The following FRMD3 variants were observed in gnomAD, a reference collection of about 807,000 sequenced individuals.
FRMD3 encodes FERM domain containing 3, also known as FERM domain-containing protein 3.
A neutral mutation model predicts 70.2 loss-of-function variants in FRMD3; 33 were observed. The ratio of observed to expected loss-of-function variants is 0.47; its 90% CI spans 0.36 to 0.63. FRMD3 has a LOEUF of 0.63. Ranked by LOEUF, FRMD3 falls within the 20% of genes least tolerant of loss-of-function variation. The pLI, the probability that FRMD3 is intolerant of heterozygous loss-of-function variation, is 0.00. For missense variants in FRMD3, 632 were observed against 711.4 expected (o/e 0.89, Z 1.27); for synonymous variants, 279 against 255.9 (o/e 1.09, Z -0.86).
intron 1 of FRMD3, among the ~76,000 whole-genome samples, chr9:83,479,706 A>AAGAAAGAGAAAGAAAG (rs1554710649): frequency 1.2e-5 from 1 of 81,604 alleles, no homozygotes; most frequent in Non-Finnish European, 2.4e-5. Context: ...GAAAGAAAGA[A>AAGAAAGAGAAAGAAAG]AGAAAGAAAG....
intron 6 of FRMD3, among the ~76,000 whole-genome samples, chr9:83,314,135 G>GA (rs1835470732): frequency 1.3e-5 from 2 of 152,082 alleles, no homozygotes; most frequent in South Asian, 2.1e-4. Flanking sequence ...CTTGCTCAGG[G>GA]AAAAAAATGC....
chr9:83,339,378 A>G (rs745668534), intron 5 of FRMD3, among the ~76,000 whole-genome samples: 3 of 152,196 alleles, frequency 2.0e-5, no homozygotes, highest in Non-Finnish European at 2.9e-5. Context: ...CCTCCTGCTC[A>G]TGACTTGGAA....
intron 3 of FRMD3, among the ~76,000 whole-genome samples, chr9:83,358,221 T>C (rs547533509): frequency 1.3e-4 from 20 of 152,336 alleles, no homozygotes; most frequent in Non-Finnish European, 2.5e-4. Context: ...TTTTGTTTGC[T>C]TTGTTGATCA....
intron 6 of FRMD3, among the ~76,000 whole-genome samples, chr9:83,327,484 T>A (rs1836065842): frequency 6.6e-6 from 1 of 152,174 alleles, no homozygotes; most frequent in African/African-American, 2.4e-5. Context: ...CCTGGCTCTC[T>A]GGACTTTAGA....
intron 1 of FRMD3, among the ~76,000 whole-genome samples, chr9:83,517,575 G>A (rs1028192846): frequency 2.1e-4 from 31 of 149,870 alleles, no homozygotes; most frequent in Non-Finnish European, 3.7e-4. Context: ...AAAAGCACCC[G>A]GTACCATTCC....
chr9:83,353,682 C>G (rs1824239075), intron 3 of FRMD3, among the ~76,000 whole-genome samples: 1 of 152,206 alleles, frequency 6.6e-6, no homozygotes, highest in Non-Finnish European at 1.5e-5. Context: ...AGTTTGTCAT[C>G]TGGATCACTA....
intron 13 of FRMD3, among the ~76,000 whole-genome samples, chr9:83,274,433 T>A (rs529480211): frequency 6.6e-6 from 1 of 152,288 alleles, no homozygotes; most frequent in African/African-American, 2.4e-5. Context: ...GAGAAAACTA[T>A]TAATGCCATG....
At chr9:83,445,403 G>A (rs1827431636) in intron 1 of FRMD3, among the ~76,000 whole-genome samples, 1 of 150,534 alleles carries the variant, frequency 6.6e-6, no homozygotes, top group Non-Finnish European at 1.5e-5. Flanking sequence ...AGATACTGCT[G>A]GCTGACAGCA....
chr9:83,427,829 G>A (rs1826854744), intron 1 of FRMD3, among the ~76,000 whole-genome samples: 1 of 152,126 alleles, frequency 6.6e-6, no homozygotes, highest in Admixed American at 6.5e-5. Flanking sequence ...TCAGTAATTG[G>A]GAAAACAATA....
At chr9:83,262,262 A>ATGT in intron 13 of FRMD3, among the ~76,000 whole-genome samples, 1 of 152,174 alleles carries the variant, frequency 6.6e-6, no homozygotes, top group African/African-American at 2.4e-5. Flanking sequence ...CTTTACCTCC[A>ATGT]ATAACACACA....
rs1432278402 is a variant in FRMD3 at position 83,537,726 on chromosome 9, CT to C, written c.147+358del. Among the ~76,000 whole-genome samples the C allele has an allele frequency of 6.6e-6, 1 of 152,220 alleles. No homozygotes were observed. Among genetic ancestry groups the C allele is most frequent in the Admixed American group, 6.5e-5 (1 of 15,292 alleles). ...ACCAGTGGGCGACATGCAGGTGCCC[CT>C]CTCAGCCCTCGGAGCTCCCATCTCC... On this transcript the variant is annotated intron_variant, in intron 1 of 13. Coordinates refer to ENST00000304195, the MANE Select transcript of FRMD3 (RefSeq NM_174938.6). This position sits in a 1 kb window ranked among gnomAD's most constrained non-coding sequence, Gnocchi z 4.1.
chr9:83,542,715 A>T (rs1033094962), upstream of FRMD3, among the ~76,000 whole-genome samples: 2 of 152,230 alleles, frequency 1.3e-5, no homozygotes, highest in African/African-American at 4.8e-5. Context: ...ATAAAACCAA[A>T]GTGATCAAGG....
chr9:83,410,367 T>G (rs924335046), intron 1 of FRMD3, among the ~76,000 whole-genome samples: 1 of 152,190 alleles, frequency 6.6e-6, no homozygotes, highest in African/African-American at 2.4e-5. Context: ...GTACTCAATG[T>G]TTACCTGCCA....
chr9:83,375,588 A>G (rs962147632), intron 2 of FRMD3, among the ~76,000 whole-genome samples: 1 of 152,222 alleles, frequency 6.6e-6, no homozygotes, highest in Non-Finnish European at 1.5e-5. Flanking sequence ...ACTTGTTAGT[A>G]TTCATTAAAC....
chr9:83,305,616 C>T (rs1835100014), intron 10 of FRMD3, among the ~76,000 whole-genome samples: 1 of 152,174 alleles, frequency 6.6e-6, no homozygotes, highest in African/African-American at 2.4e-5. Flanking sequence ...AGGCTAAGAC[C>T]AGACAGCACT....
At chr9:83,496,814 T>C (rs1442047535) in intron 1 of FRMD3, among the ~76,000 whole-genome samples, 1 of 152,184 alleles carries the variant, frequency 6.6e-6, no homozygotes, top group Non-Finnish European at 1.5e-5. Context: ...ATGAGTGTAC[T>C]TATAAAATGT....
At chr9:83,299,038 T>C in intron 11 of FRMD3, 74 bp downstream of exon 11, 1 of 1,169,612 alleles carries the variant, frequency 8.5e-7, no homozygotes, top group South Asian at 1.2e-5. Flanking sequence ...GCCACTTATT[T>C]GCAAGCAGAA....
intron 1 of FRMD3, among the ~76,000 whole-genome samples, chr9:83,518,803 A>G (rs1333537088): frequency 1.3e-5 from 2 of 152,194 alleles, no homozygotes; most frequent in Non-Finnish European, 2.9e-5. Flanking sequence ...CATATAGACC[A>G]ATGGAACAGA....
At chr9:83,365,525 G>T (rs930196683) in intron 3 of FRMD3, among the ~76,000 whole-genome samples, 2 of 152,004 alleles carry the variant, frequency 1.3e-5, no homozygotes, top group Non-Finnish European at 2.9e-5. Flanking sequence ...AAGAGAAAAG[G>T]CATTCGTTGT....
Sources: allele counts gnomAD v4.1 joint callset (sites outside exome capture counted in the v4.1 genomes callset), GRCh38; gene constraint gnomAD v4.1.1; non-coding constraint Gnocchi (gnomAD v3.1); transcripts MANE v1.5; gene names NCBI Gene and HGNC (gene_info 2026-07-23, HGNC 2026-07-21).